The following KIF13A variants were observed in gnomAD, a reference collection of about 807,000 sequenced individuals.
KIF13A encodes kinesin-like protein KIF13A.
A neutral mutation model predicts 212.2 loss-of-function variants in KIF13A; 79 were observed. That is an observed-to-expected ratio of 0.37 (90% CI 0.31 to 0.45). KIF13A has a LOEUF of 0.45. Among genes scored for constraint, KIF13A ranks in the 20% least tolerant of loss-of-function variants. The probability of loss-of-function intolerance (pLI) is 1.00; values close to 1 mark genes in which losing one functional copy is unlikely to be tolerated. For missense variants in KIF13A, 1,901 were observed against 2,209.0 expected (o/e 0.86, Z 2.79); for synonymous variants, 789 against 808.6 (o/e 0.98, Z 0.41).
At chr6:17,932,787 T>A (rs1336631702) in intron 2 of KIF13A, among the ~76,000 whole-genome samples, 1 of 141,914 alleles carries the variant, frequency 7.0e-6, no homozygotes, top group Non-Finnish European at 1.5e-5. Flanking sequence ...GAGGAGGAAG[T>A]CTGTGAGAAT....
intron 2 of KIF13A, among the ~76,000 whole-genome samples, chr6:17,973,461 C>T (rs1581911177): frequency 1.3e-5 from 2 of 152,264 alleles, no homozygotes; most frequent in East Asian, 3.9e-4. Flanking sequence ...ACCAAACCTC[C>T]CAAGAATGGT....
At chr6:17,814,341 C>T (rs1184043956) in intron 17 of KIF13A, among the ~76,000 whole-genome samples, 2 of 150,538 alleles carry the variant, frequency 1.3e-5, no homozygotes, top group African/African-American at 2.4e-5. Context: ...CTCTGCCTCC[C>T]GGGTTCAAGC....
chr6:17,957,606 AG>A (rs1778447394), intron 2 of KIF13A, among the ~76,000 whole-genome samples: 1 of 152,184 alleles, frequency 6.6e-6, no homozygotes, highest in South Asian at 2.1e-4. Flanking sequence ...TGTTTAAAAC[AG>A]GGGGGCAGTC....
At chr6:17,970,650 G>A (rs1020402299) in intron 2 of KIF13A, among the ~76,000 whole-genome samples, 14 of 151,918 alleles carry the variant, frequency 9.2e-5, no homozygotes, top group African/African-American at 2.2e-4. Flanking sequence ...AAATATCTGC[G>A]TCCTGGATAG....
chr6:17,976,352 C>T (rs1014062205), intron 2 of KIF13A, among the ~76,000 whole-genome samples: 2 of 152,202 alleles, frequency 1.3e-5, no homozygotes, highest in African/African-American at 4.8e-5. Context: ...AGCTAAGGCC[C>T]GGCGAGAAAT....
intron 4 of KIF13A, among the ~76,000 whole-genome samples, chr6:17,860,602 G>A (rs957314374): frequency 2.0e-5 from 3 of 151,944 alleles, no homozygotes; most frequent in South Asian, 2.1e-4. Flanking sequence ...AATTATTCCT[G>A]TGTTGATACT....
chr6:17,913,295 G>C (rs557756253), intron 2 of KIF13A, among the ~76,000 whole-genome samples: 2 of 152,178 alleles, frequency 1.3e-5, no homozygotes, highest in South Asian at 2.1e-4. Context: ...GAAACTCACA[G>C]AATTTTCAGA....
rs188928794 is a variant in KIF13A, at chr6:17,838,259, T to A, written c.831-676A>T. On this transcript the variant is annotated intron_variant, in intron 9 of 38. Coordinates refer to ENST00000259711, the MANE Select transcript of KIF13A (RefSeq NM_022113.6). This position sits in a 1 kb window ranked among gnomAD's most constrained non-coding sequence, Gnocchi z 4.2. ...TTGCTTGAACCCGGGAGGCGGAGGC[T>A]GCAGTGAGCCAAGATCGCGCCACTG... Among the ~76,000 whole-genome samples, 43 of 151,106 alleles carry A rather than the reference T, an allele frequency of 2.8e-4. No homozygotes were observed. The highest frequency in any genetic ancestry group is 1.7e-3 in the Admixed American group (25 of 15,130).
At chr6:17,970,616 T>C (rs1370385364) in intron 2 of KIF13A, among the ~76,000 whole-genome samples, 2 of 152,222 alleles carry the variant, frequency 1.3e-5, no homozygotes, top group African/African-American at 4.8e-5. Flanking sequence ...CCTTCTTTAT[T>C]AATCTTAATG....
At chr6:17,788,731 T>C (rs1417133062) in intron 26 of KIF13A, among the ~76,000 whole-genome samples, 1 of 152,174 alleles carries the variant, frequency 6.6e-6, no homozygotes, top group Non-Finnish European at 1.5e-5. Context: ...TACCCACATT[T>C]TTTTTTCCCC....
Position 17,768,785 on chromosome 6 carries a change from C to T in KIF13A, c.4581+2329G>A, listed in dbSNP as rs538246295. Among the ~76,000 whole-genome samples the T allele has an allele frequency of 6.6e-6, 1 of 152,282 alleles. No homozygotes were observed. The highest frequency in any genetic ancestry group is 2.1e-4 in the South Asian group (1 of 4,830). On this transcript the variant is annotated intron_variant, in intron 38 of 38. Transcript: ENST00000259711. This position sits in a 1 kb window ranked among gnomAD's most constrained non-coding sequence, Gnocchi z 5.4. ...TCTATGCAAGACCTAACGGAAAGGT[C>T]GTGTGGATACTGGGAAAAATCACTG...
At chr6:17,788,694 T>C (rs2150316568) in intron 26 of KIF13A, among the ~76,000 whole-genome samples, 1 of 152,284 alleles carries the variant, frequency 6.6e-6, no homozygotes, top group Admixed American at 6.5e-5. Flanking sequence ...ATAGAGCCCT[T>C]GGACCTCTGA....
intron 20 of KIF13A, among the ~76,000 whole-genome samples, chr6:17,801,712 T>A (rs1483765254): frequency 1.3e-5 from 2 of 152,162 alleles, no homozygotes; most frequent in African/African-American, 4.8e-5. Flanking sequence ...CGCGCAGCTT[T>A]TATTCTCTTG....
chr6:17,962,954 A>G (rs1338127933), intron 2 of KIF13A, among the ~76,000 whole-genome samples: 1 of 152,232 alleles, frequency 6.6e-6, no homozygotes, highest in Non-Finnish European at 1.5e-5. Flanking sequence ...TCAGCCCGTT[A>G]GACTCAGATC....
In KIF13A at chr6:17,794,131, G is replaced by A. The variant is rs1761836242; in HGVS notation, c.3222+118C>T. On this transcript the variant is annotated intron_variant, in intron 25 of 38. Transcript: ENST00000259711. This position sits in a 1 kb window ranked among gnomAD's most constrained non-coding sequence, Gnocchi z 4.1. ...GAAAAAAGGCAATGGATGGAAATGT[G>A]AACTGGGGGAAGATCTACGGTTAAG... 1 of 710,210 alleles carries A rather than the reference G, an allele frequency of 1.4e-6. No homozygotes were observed. The highest frequency in any genetic ancestry group is 2.3e-6 in the Non-Finnish European group (1 of 433,314). The allele number at this position is 710,210 out of a possible 1,614,324, so 44.0% of individuals were successfully genotyped here. A position where few individuals can be genotyped will look rare whatever the true frequency, so the allele number is the denominator to read the frequency against.
rs200502612 is a variant in KIF13A, at chr6:17,794,543, T to TAA, written c.3075+27_3075+28dup. 204 of 1,550,108 alleles carry TAA rather than the reference T, an allele frequency of 1.3e-4. No individual in the cohort carries two copies. Among genetic ancestry groups the TAA allele is most frequent in the Middle Eastern group, 6.9e-4 (4 of 5,810 alleles). ...TAAGAGTGGAACAGAGAGAAAACAT[T>TAA]AAAAAAAAACCCAAAACAAACTCAG... On this transcript the variant is annotated intron_variant, in intron 24 of 38. Coordinates refer to ENST00000259711, the MANE Select transcript of KIF13A (RefSeq NM_022113.6). The surrounding 1 kb of genome is among the most constrained non-coding windows in gnomAD (Gnocchi z 4.1).
Position 17,982,116 on chromosome 6 carries a change from A to G in KIF13A, c.146+4938T>C, listed in dbSNP as rs1189863134. 6.7e-6 allele frequency among the ~76,000 whole-genome samples: 1 copy of G among 150,332 alleles called. No homozygotes were observed. Among genetic ancestry groups the G allele is most frequent in the Non-Finnish European group, 1.5e-5 (1 of 67,736 alleles). On this transcript the variant is annotated intron_variant, in intron 2 of 38. Transcript: ENST00000259711. This position sits in a 1 kb window ranked among gnomAD's most constrained non-coding sequence, Gnocchi z 5.1. ...CTGAGCATTCTTTTTTTTTTTTGAG[A>G]CAGAGTTTCACTCTTGTTGCTCAGG...
rs188910692 is a variant in KIF13A at position 17,786,364 on chromosome 6, C to T, written c.3362-723G>A. On this transcript the variant is annotated intron_variant, in intron 27 of 38. Transcript: ENST00000259711. The surrounding 1 kb of genome is among the most constrained non-coding windows in gnomAD (Gnocchi z 5.4). ...CTGTAACCCCAGCACTTTTGGAGGC[C>T]GAGGTGGGCAGATCTCCTGAGGTCA... Among the ~76,000 whole-genome samples the T allele has an allele frequency of 2.6e-3, 392 of 152,182 alleles. 2 individuals carry two copies. The highest frequency in any genetic ancestry group is 0.02 in the Middle Eastern group (6 of 294).
At chr6:17,780,672 A>C (rs1581898908) in intron 31 of KIF13A, 58 bp downstream of exon 31, 29 of 1,517,580 alleles carry the variant, frequency 1.9e-5, no homozygotes, top group Middle Eastern at 3.5e-4. Flanking sequence ...TGTGATAGAG[A>C]GAGGGAAAAA....
Sources: allele counts gnomAD v4.1 joint callset (sites outside exome capture counted in the v4.1 genomes callset), GRCh38; gene constraint gnomAD v4.1.1; non-coding constraint Gnocchi (gnomAD v3.1); transcripts MANE v1.5; gene names NCBI Gene and HGNC (gene_info 2026-07-23, HGNC 2026-07-21).